HSP90AA1: variants seen among roughly 807,000 people sequenced by gnomAD.
HSP90AA1 encodes heat shock protein 90 alpha family class A member 1.
Under a neutral mutation model 73.3 loss-of-function variants are expected in HSP90AA1, and 18 were observed. The observed-to-expected ratio is 0.25, with a 90% CI of 0.17 to 0.36. The LOEUF is 0.36. Ranked by LOEUF, HSP90AA1 falls within the 10% of genes least tolerant of loss-of-function variation. The probability of loss-of-function intolerance (pLI) is 1.00; values close to 1 mark genes in which losing one functional copy is unlikely to be tolerated. For synonymous variants in HSP90AA1, 477 were observed against 296.9 expected, an observed-to-expected ratio of 1.61 and a Z score of -6.24; for missense variants, 704 against 874.2, an observed-to-expected ratio of 0.81 and a Z score of 2.45.
chr14:102,105,849 C>G (rs568736826), intron 1 of HSP90AA1, among the ~76,000 whole-genome samples: 135 of 152,258 alleles, frequency 8.9e-4, no homozygotes, highest in Middle Eastern at 3.4e-3. Context: ...ATAGGTAGAT[C>G]ACCTGAGGTC....
upstream of HSP90AA1, among the ~76,000 whole-genome samples, chr14:102,088,262 C>T (rs1029956125): frequency 6.6e-6 from 1 of 152,202 alleles, no homozygotes; most frequent in Non-Finnish European, 1.5e-5. Context: ...GGGGTTCCTT[C>T]GACCTGGCTT....
intron 2 of HSP90AA1, among the ~76,000 whole-genome samples, chr14:102,096,247 A>G (rs749667654): frequency 6.6e-6 from 1 of 152,208 alleles, no homozygotes; most frequent in Non-Finnish European, 1.5e-5. Context: ...GTGTGCACCA[A>G]GAATATGTGG....
rs374792505 is a variant in HSP90AA1, at chr14:102,083,676, G to A, written c.1356C>T (p.Asp452=). The A allele has an allele frequency of 5.0e-5, 80 of 1,610,496 alleles. No homozygotes were observed. In the African/African-American group the frequency reaches 1.0e-3, roughly 21 times the overall value. The change falls in exon 8 of 11, where the codon GAC becomes GAT. Residue 452 remains aspartate (D), a synonymous_variant. Coordinates refer to ENST00000216281, the MANE Select transcript of HSP90AA1 (RefSeq NM_005348.4). ...SKNIKLGIHE[D]SQNRKKLSEL... ...CTGAAAGCTTCTTCCGATTTTGAGAGTCTTCGTGTATTCCAAGCTGAAACA... is the reference window on the plus strand; with the variant it reads ...CTGAAAGCTTCTTCCGATTTTGAGAATCTTCGTGTATTCCAAGCTGAAACA...
rs765633237 is a variant in HSP90AA1 at position 102,086,419 on chromosome 14, C to T, written c.1-41G>A. On this transcript the variant is annotated intron_variant, in intron 1 of 10. Transcript: ENST00000216281. ...GCCGGTTTAAAACCTTGCAGGACGT[C>T]TACAGAGGCAACACGAAATTCCATC... 4 of 1,611,534 alleles carry T rather than the reference C, an allele frequency of 2.5e-6. No individual in the cohort carries two copies. The South Asian group carries it at 4.4e-5, about 18-fold the overall frequency.
At chr14:102,105,309 A>C (rs1179433616) in intron 1 of HSP90AA1, among the ~76,000 whole-genome samples, 1 of 152,002 alleles carries the variant, frequency 6.6e-6, no homozygotes, top group East Asian at 1.9e-4. Flanking sequence ...AAGAACACCC[A>C]GTTCCTCGTC....
At chr14:102,103,180 C>CTA in intron 1 of HSP90AA1, among the ~76,000 whole-genome samples, 1 of 37,210 alleles carries the variant, frequency 2.7e-5, no homozygotes, top group Non-Finnish European at 5.4e-5. Flanking sequence ...GACTCAGTCT[C>CTA]AAAAAAAAAA....
At chr14:102,084,185 T>G in intron 6 of HSP90AA1, 1 of 670,674 alleles carries the variant, frequency 1.5e-6, no homozygotes, top group Non-Finnish European at 2.6e-6. Context: ...GCTGTTTTCA[T>G]GCCTCAGCCT....
intron 1 of HSP90AA1, among the ~76,000 whole-genome samples, chr14:102,107,545 G>C (rs978145544): frequency 1.3e-5 from 2 of 151,958 alleles, no homozygotes; most frequent in Non-Finnish European, 1.5e-5. Flanking sequence ...GGATGGTCTC[G>C]ATCTCTTGAC....
At position 102,133,091 on chromosome 14, in the gene HSP90AA1, C is replaced by A. The variant is rs531324478; in HGVS notation, c.155+6159G>T. On this transcript the variant is annotated intron_variant, in intron 1 of 11. Coordinates refer to the HSP90AA1 transcript ENST00000334701. ...GGTCAGGAGTTCAAGACCAGCCTGG[C>A]CAACATGGTGAAACCCCATCTCTAC... 9.9e-5 allele frequency among the ~76,000 whole-genome samples: 15 copies of A among 152,194 alleles called. No homozygotes were observed. The South Asian group carries it at 3.1e-3, about 32-fold the overall frequency.
chr14:102,081,603 G>A lies in HSP90AA1; in HGVS notation c.*109C>T. On this transcript the variant is annotated 3_prime_UTR_variant, in exon 11 of 11. Coordinates refer to ENST00000216281, the MANE Select transcript of HSP90AA1 (RefSeq NM_005348.4). The stretch of plus-strand genomic sequence containing the variant: ...ATCTTCCCCTTAAAGTAGTTGTCAT[G>A]CCATACAGACTTTTTAATATTAACA... 1.4e-6 allele frequency: 1 copy of A among 724,732 alleles called. No homozygotes were observed. Among genetic ancestry groups the A allele is most frequent in the Non-Finnish European group, 2.5e-6 (1 of 392,218 alleles). 44.9% of individuals were successfully genotyped at this position (724,732 alleles called of 1,614,324 possible).
Position 102,082,122 on chromosome 14 carries a change from T to C in HSP90AA1, c.2078A>G (p.Lys693Arg), listed in dbSNP as rs777313141. 8 of 1,610,620 alleles carry C rather than the reference T, an allele frequency of 5.0e-6. No homozygotes were observed. In the East Asian group the frequency reaches 1.1e-4, roughly 22 times the overall value. ...AGTATAAGGCTTACCCAGACCAAGT[T>C]TGATCATCCTGTAGATCCTGTTAGC... ...THANRIYRMIKLGLGIDEDDP... is the reference protein window; with the variant it reads ...THANRIYRMIRLGLGIDEDDP... Residue 693 changes from lysine (K) to arginine (R), a missense_variant, in exon 10 of 11, where the codon AAA becomes AGA. Lys to Arg is a conservative substitution (Grantham distance 26). Transcript: ENST00000216281.
At position 102,081,838 on chromosome 14, in the gene HSP90AA1, A is replaced by T; in HGVS notation, c.2090-17T>A. The T allele has an allele frequency of 2.6e-6, 3 of 1,161,260 alleles. No homozygotes were observed. The highest frequency in any genetic ancestry group is 3.9e-6 in the Non-Finnish European group (3 of 766,844). The allele number at this position is 1,161,260 out of a possible 1,614,324, so 71.9% of individuals were successfully genotyped here. A position where few individuals can be genotyped will look rare whatever the true frequency, so the allele number is the denominator to read the frequency against. The stretch of plus-strand genomic sequence containing the variant: ...CATCAATACCTGTTTCCAAAATAAA[A>T]TCCTCATATTACAAAGATTTCTTAA... On this transcript the variant is annotated splice_polypyrimidine_tract_variant and intron_variant, in intron 10 of 10. Transcript: ENST00000216281.
intron 1 of HSP90AA1, among the ~76,000 whole-genome samples, chr14:102,134,526 T>C (rs927011746): frequency 2.0e-5 from 3 of 152,062 alleles, no homozygotes; most frequent in Non-Finnish European, 4.4e-5. Context: ...GTCTGGAGTT[T>C]GTTCCTTCTG....
chr14:102,098,459 C>CTTTTTT (rs55683551), intron 2 of HSP90AA1, among the ~76,000 whole-genome samples: 1 of 75,464 alleles, frequency 1.3e-5, no homozygotes, highest in African/African-American at 5.1e-5. Context: ...TGCACCTGGC[C>CTTTTTT]TTTTTTTTTT....
At chr14:102,132,277 G>C (rs954743495) in intron 1 of HSP90AA1, among the ~76,000 whole-genome samples, 5 of 152,156 alleles carry the variant, frequency 3.3e-5, no homozygotes, top group African/African-American at 1.2e-4. Flanking sequence ...TGAGGTAGGA[G>C]AACAGCTTGA....
intron 1 of HSP90AA1, among the ~76,000 whole-genome samples, chr14:102,126,594 G>C (rs2049842067): frequency 6.6e-6 from 1 of 151,750 alleles, no homozygotes; most frequent in Non-Finnish European, 1.5e-5. Context: ...GCGCAACCAC[G>C]ACTCACTGCA....
chr14:102,086,775 G>A (rs969288720), intron 1 of HSP90AA1, among the ~76,000 whole-genome samples: 2 of 151,656 alleles, frequency 1.3e-5, no homozygotes, highest in African/African-American at 4.8e-5. Flanking sequence ...CAGAGCCTCG[G>A]GGAGCCCGCG....
chr14:102,092,030 C>G (rs535894542), upstream of HSP90AA1, among the ~76,000 whole-genome samples: 3 of 151,308 alleles, frequency 2.0e-5, no homozygotes, highest in East Asian at 5.8e-4. Flanking sequence ...ACATGTTTTA[C>G]TTTTCAAATA....
At chr14:102,127,212 G>C (rs1402418195) in intron 1 of HSP90AA1, among the ~76,000 whole-genome samples, 1 of 152,004 alleles carries the variant, frequency 6.6e-6, no homozygotes, top group Non-Finnish European at 1.5e-5. Context: ...TGTTATTGAG[G>C]CTATTAAGCT....
Sources: allele counts gnomAD v4.1 joint callset (sites outside exome capture counted in the v4.1 genomes callset), GRCh38; gene constraint gnomAD v4.1.1; transcripts MANE v1.5; gene names NCBI Gene and HGNC (gene_info 2026-07-23, HGNC 2026-07-21).